Variants in PDE3B observed in about 807,000 individuals in gnomAD.
PDE3B encodes the protein cGMP-inhibited 3',5'-cyclic phosphodiesterase 3B.
Under a neutral mutation model 116.8 loss-of-function variants are expected in PDE3B, and 66 were observed. The observed-to-expected ratio is 0.56, with a 90% confidence interval of 0.46 to 0.69. PDE3B has a LOEUF of 0.69. Among genes scored for constraint, PDE3B ranks in the 30% least tolerant of loss-of-function variants. PDE3B has a pLI of 0.00. For synonymous variants in PDE3B, 595 were observed against 533.6 expected, an observed-to-expected ratio of 1.12 and a Z score of -1.59; for missense variants, 1,384 against 1,368.1, an observed-to-expected ratio of 1.01 and a Z score of -0.18.
intron 1 of PDE3B, among the ~76,000 whole-genome samples, chr11:14,756,041 A>T (rs1189153651): frequency 6.6e-6 from 1 of 152,174 alleles, no homozygotes; most frequent in African/African-American, 2.4e-5. Flanking sequence ...ATTATTTTAC[A>T]ATTAAGAATC....
intron 1 of PDE3B, among the ~76,000 whole-genome samples, chr11:14,731,250 C>G (rs1316631262): frequency 7.0e-6 from 1 of 143,772 alleles, no homozygotes; most frequent in Non-Finnish European, 1.5e-5. Flanking sequence ...AAGCATTTTA[C>G]TTTGATTTTT....
intron 1 of PDE3B, among the ~76,000 whole-genome samples, chr11:14,754,395 G>C (rs1857130975): frequency 6.6e-6 from 1 of 152,014 alleles, no homozygotes; most frequent in South Asian, 2.1e-4. Flanking sequence ...AATCTCTAGA[G>C]TAATATGTAA....
chr11:14,827,403 A>G (rs1859732368), intron 7 of PDE3B, among the ~76,000 whole-genome samples: 1 of 152,180 alleles, frequency 6.6e-6, no homozygotes, highest in African/African-American at 2.4e-5. Flanking sequence ...ACATGATTCT[A>G]TATCTAGAAA....
chr11:14,662,180 T>C (rs1159664563), intron 1 of PDE3B, among the ~76,000 whole-genome samples: 2 of 152,200 alleles, frequency 1.3e-5, no homozygotes, highest in East Asian at 1.9e-4. Context: ...CCACCGCTGC[T>C]GTTACCCAGG....
In PDE3B at chr11:14,859,180, C is replaced by A; in HGVS notation, c.2658C>A (p.Val886=). ...AATTCAAGCGCTTTCGTTTTTTAGT[C>A]ATTGAAGCAATCCTTGCTACGGATC... ...HVEFKRFRFL[V]IEAILATDLK... Residue 886 remains valine (V), a synonymous_variant, in exon 13 of 16, where the codon GTC becomes GTA. Coordinates refer to ENST00000282096, the MANE Select transcript of PDE3B (RefSeq NM_000922.4). 1.2e-6 allele frequency: 2 copies of A among 1,613,640 alleles called. No homozygotes were observed. The highest frequency in any genetic ancestry group is 1.7e-6 in the Non-Finnish European group (2 of 1,179,778).
chr11:14,713,289 A>C (rs568673861), intron 1 of PDE3B, among the ~76,000 whole-genome samples: 1 of 152,330 alleles, frequency 6.6e-6, no homozygotes, highest in African/African-American at 2.4e-5. Context: ...TGTGATGGTT[A>C]ATTTTATGTG....
At chr11:14,736,547 G>T (rs1856606402) in intron 1 of PDE3B, among the ~76,000 whole-genome samples, 1 of 152,168 alleles carries the variant, frequency 6.6e-6, no homozygotes, top group African/African-American at 2.4e-5. Flanking sequence ...AGGAACTGAA[G>T]TCCAAGATTA....
intron 1 of PDE3B, among the ~76,000 whole-genome samples, chr11:14,671,315 A>G (rs1356427340): frequency 6.6e-6 from 1 of 152,108 alleles, no homozygotes; most frequent in Non-Finnish European, 1.5e-5. Context: ...CATTTTAACC[A>G]GCATATAAAT....
chr11:14,869,352 T>A, intron 15 of PDE3B, 109 bp from the exon 16 acceptor site: 1 of 687,962 alleles, frequency 1.5e-6, no homozygotes, highest in Non-Finnish European at 2.4e-6. Context: ...TATAGTACTG[T>A]TTACTTTTAT....
chr11:14,846,014 A>G (rs1261133964), intron 12 of PDE3B, among the ~76,000 whole-genome samples: 1 of 152,186 alleles, frequency 6.6e-6, no homozygotes, highest in African/African-American at 2.4e-5. Flanking sequence ...CCTCGAGAAG[A>G]GCAACTCCAA....
At chr11:14,664,334 C>T (rs1422640017) in intron 1 of PDE3B, among the ~76,000 whole-genome samples, 3 of 152,106 alleles carry the variant, frequency 2.0e-5, no homozygotes, top group South Asian at 4.2e-4. Context: ...AAAATTGACA[C>T]CCTAATATCA....
At chr11:14,837,825 CAAG>C (rs1232281199) in intron 11 of PDE3B, among the ~76,000 whole-genome samples, 1 of 152,148 alleles carries the variant, frequency 6.6e-6, no homozygotes. Context: ...AAAACTAAGA[CAAG>C]AAGGACCATG....
At chr11:14,663,812 A>T (rs558024739) in intron 1 of PDE3B, among the ~76,000 whole-genome samples, 14 of 152,212 alleles carry the variant, frequency 9.2e-5, no homozygotes, top group African/African-American at 2.9e-4. Flanking sequence ...CTCCCACACA[A>T]TAATAATGGG....
chr11:14,697,945 T>G lies in PDE3B; in HGVS notation c.978+52892T>G, dbSNP rs1230252851. 2.0e-5 allele frequency among the ~76,000 whole-genome samples: 3 copies of G among 152,204 alleles called. No individual in the cohort carries two copies. The East Asian group carries it at 5.8e-4, about 29-fold the overall frequency. ...ATTCGTTGTAGTTGGTATATAATCATGTTACCTGTTTTCTTTTTGATCTTT... is the reference window on the plus strand; with the variant it reads ...ATTCGTTGTAGTTGGTATATAATCAGGTTACCTGTTTTCTTTTTGATCTTT... On this transcript the variant is annotated intron_variant, in intron 1 of 15. Transcript: ENST00000282096.
chr11:14,670,028 C>T (rs1854318065), intron 1 of PDE3B, among the ~76,000 whole-genome samples: 1 of 152,096 alleles, frequency 6.6e-6, no homozygotes, highest in Non-Finnish European at 1.5e-5. Context: ...GTGCCTTCAT[C>T]ATTAGGTGGG....
intron 1 of PDE3B, chr11:14,699,080 A>T (rs1396265664): frequency 6.6e-6 from 1 of 152,018 alleles, no homozygotes; most frequent in Admixed American, 6.6e-5. Flanking sequence ...GCTAAGCTTT[A>T]TAATTCTGTT....
downstream of PDE3B, among the ~76,000 whole-genome samples, chr11:14,875,408 T>C (rs1450421948): frequency 1.3e-5 from 2 of 152,190 alleles, no homozygotes; most frequent in Non-Finnish European, 2.9e-5. Flanking sequence ...TTAATGGTTA[T>C]TTCAGTGATA....
chr11:14,723,691 T>C (rs188503357), intron 1 of PDE3B, among the ~76,000 whole-genome samples: 126 of 151,410 alleles, frequency 8.3e-4, no homozygotes, highest in African/African-American at 2.8e-3. Flanking sequence ...GGCCCAGGAG[T>C]TTAAGGCTAC....
At chr11:14,810,027 C>G (rs1166252787) in intron 5 of PDE3B, among the ~76,000 whole-genome samples, 2 of 151,792 alleles carry the variant, frequency 1.3e-5, no homozygotes, top group Non-Finnish European at 2.9e-5. Flanking sequence ...ATTATATACA[C>G]AGAAATCTAC....
Sources: allele counts gnomAD v4.1 joint callset (sites outside exome capture counted in the v4.1 genomes callset), GRCh38; gene constraint gnomAD v4.1.1; transcripts MANE v1.5; gene names NCBI Gene and HGNC (gene_info 2026-07-23, HGNC 2026-07-21).